VBP1: variants seen among roughly 807,000 people sequenced by gnomAD.
The protein encoded by VBP1 is prefoldin subunit 3.
In VBP1, 4 loss-of-function variants were observed where a neutral mutation model predicts 15.5. The observed-to-expected ratio is 0.26, with a 90% confidence interval of 0.13 to 0.59. The LOEUF (loss-of-function observed/expected upper bound fraction) is 0.59, where lower values mean the gene tolerates loss of function less well. VBP1 is among the 20% of genes least tolerant of loss of function. VBP1 has a pLI of 0.90. For missense variants in VBP1, 108 were observed against 139.6 expected, an observed-to-expected ratio of 0.77 and a Z score of 1.14; for synonymous variants, 61 against 52.1, an observed-to-expected ratio of 1.17 and a Z score of -0.74.
At chrX:155,205,483 C>G (rs1223576953) in intron 1 of VBP1, among the ~76,000 whole-genome samples, 1 of 111,553 alleles carries the variant, frequency 9.0e-6, no homozygotes, top group Non-Finnish European at 1.9e-5. Context: ...ACTCCACATA[C>G]AATTCATGAG....
intron 4 of VBP1, among the ~76,000 whole-genome samples, chrX:155,231,002 G>T (rs1035294908): frequency 1.8e-5 from 2 of 111,978 alleles, no homozygotes; most frequent in African/African-American, 3.2e-5. Flanking sequence ...TTACTTCCTC[G>T]CTTGGCCACA....
upstream of VBP1, among the ~76,000 whole-genome samples, chrX:155,216,073 C>T (rs2074661374): frequency 9.1e-6 from 1 of 110,160 alleles, no homozygotes; most frequent in African/African-American, 3.3e-5. Flanking sequence ...CGCTAGGTCC[C>T]AGGTTCGCTA....
intron 1 of VBP1, among the ~76,000 whole-genome samples, chrX:155,218,220 C>T (rs1025241684): frequency 9.0e-6 from 1 of 111,507 alleles, no homozygotes; most frequent in African/African-American, 3.3e-5. Context: ...GTTTATGTTT[C>T]CAAACTATTA....
At chrX:155,221,160 G>A (rs1381883630) in intron 2 of VBP1, among the ~76,000 whole-genome samples, 1 of 111,069 alleles carries the variant, frequency 9.0e-6, no homozygotes, top group Non-Finnish European at 1.9e-5. Flanking sequence ...GTGAAACCCC[G>A]TCTCTACTAA....
At chrX:155,203,275 A>T (rs2074613042) in intron 1 of VBP1, among the ~76,000 whole-genome samples, 1 of 111,366 alleles carries the variant, frequency 9.0e-6, no homozygotes, top group African/African-American at 3.3e-5. Flanking sequence ...TACCCAAAGG[A>T]CTATAAGTCA....
rs189230781 is a variant in VBP1 at position 155,227,673 on chromosome X, A to G, written c.285+372A>G. Among the ~76,000 whole-genome samples, 5 of 112,440 alleles carry G rather than the reference A, an allele frequency of 4.4e-5. No homozygotes were observed. The East Asian group carries it at 1.4e-3, about 31-fold the overall frequency. On this transcript the variant is annotated intron_variant, in intron 3 of 5. Transcript: ENST00000286428. The stretch of plus-strand genomic sequence containing the variant: ...AGAATAAGGAGTTAGTCCAAGATTT[A>G]TAGAGCTGGAACGAATCTTAGAGAT...
chrX:155,214,768 C>CTT (rs782556765), upstream of VBP1, among the ~76,000 whole-genome samples: 9 of 83,073 alleles, frequency 1.1e-4, no homozygotes, highest in South Asian at 5.6e-4. Flanking sequence ...TTTTCTTTTC[C>CTT]TTTTTTTTTT....
intron 1 of VBP1, among the ~76,000 whole-genome samples, chrX:155,207,988 G>A (rs1359612620): frequency 8.9e-6 from 1 of 111,903 alleles, no homozygotes; most frequent in Admixed American, 9.5e-5. Context: ...CTTTGGTTAT[G>A]AGTCATTTGA....
chrX:155,198,024 G>C (rs1342136460), intron 1 of VBP1, among the ~76,000 whole-genome samples: 4 of 112,445 alleles, frequency 3.6e-5, no homozygotes, highest in Non-Finnish European at 7.6e-5. Context: ...AGCAGTCTGA[G>C]ATCAAACTGC....
intron 1 of VBP1, among the ~76,000 whole-genome samples, chrX:155,199,678 G>A (rs1557307137): frequency 9.0e-6 from 1 of 111,523 alleles, no homozygotes; most frequent in Non-Finnish European, 1.9e-5. Context: ...AGACCATTGA[G>A]GCTAGGAAGT....
chrX:155,234,045 G>A (rs1304014075), intron 4 of VBP1, among the ~76,000 whole-genome samples: 1 of 105,792 alleles, frequency 9.5e-6, no homozygotes, highest in African/African-American at 3.5e-5. Flanking sequence ...GTACCTCATG[G>A]TTTCATACTG....
intron 1 of VBP1, among the ~76,000 whole-genome samples, chrX:155,200,467 G>A (rs782431637): frequency 2.7e-5 from 3 of 110,978 alleles, no homozygotes; most frequent in Middle Eastern, 4.6e-3. Flanking sequence ...ACTCAAAACC[G>A]CTCGACTACA....
chrX:155,214,968 C>G (rs782250166), upstream of VBP1, among the ~76,000 whole-genome samples: 1 of 110,412 alleles, frequency 9.1e-6, no homozygotes, highest in African/African-American at 3.3e-5. Context: ...GGGAGTAAAA[C>G]ATGAGCGATA....
chrX:155,224,180 C>T lies in VBP1; in HGVS notation c.219-3055C>T, dbSNP rs1390755531. Among the ~76,000 whole-genome samples, 5 of 112,603 alleles carry T rather than the reference C, an allele frequency of 4.4e-5. No individual in the cohort carries two copies. The East Asian group carries it at 1.4e-3, about 32-fold the overall frequency. On this transcript the variant is annotated intron_variant, in intron 2 of 5. Coordinates refer to ENST00000286428, the MANE Select transcript of VBP1 (RefSeq NM_003372.7). ...CGATGGGCGGCCAGGCAGAGACGCT[C>T]CTCACTTCCCAGATGGGGTGGCGGC... is the stretch of plus-strand genomic sequence containing the variant.
chrX:155,205,861 G>A (rs112428169), intron 1 of VBP1, among the ~76,000 whole-genome samples: 2 of 111,547 alleles, frequency 1.8e-5, no homozygotes, highest in African/African-American at 6.5e-5. Context: ...TTGTCTCCCC[G>A]GTTCACTTTT....
At chrX:155,225,951 A>G (rs971941775) in intron 2 of VBP1, among the ~76,000 whole-genome samples, 41 of 112,216 alleles carry the variant, frequency 3.7e-4, no homozygotes, top group African/African-American at 1.3e-3. Flanking sequence ...CCAGGTCAGT[A>G]GCACAGGGTG....
intron 5 of VBP1, among the ~76,000 whole-genome samples, 188 bp from the exon 6 acceptor site, chrX:155,238,584 A>G (rs1331481138): frequency 8.9e-6 from 1 of 112,219 alleles, no homozygotes; most frequent in Non-Finnish European, 1.9e-5. Flanking sequence ...GTTTTGATAG[A>G]GTTTAATTAT....
chrX:155,237,842 G>A (rs782047671), intron 5 of VBP1, among the ~76,000 whole-genome samples: 42 of 111,810 alleles, frequency 3.8e-4, no homozygotes, highest in African/African-American at 8.4e-4. Flanking sequence ...TTGCCAAACC[G>A]TGAGCTCTTC....
At chrX:155,207,867 G>T (rs2124047094) in intron 1 of VBP1, among the ~76,000 whole-genome samples, 1 of 111,823 alleles carries the variant, frequency 8.9e-6, no homozygotes, top group Admixed American at 9.5e-5. Flanking sequence ...CAGTGAACAT[G>T]TCCTCTACAA....
Sources: gnomAD v4.1 joint callset for allele counts (sites outside exome capture counted in the v4.1 genomes callset) on GRCh38, gnomAD v4.1.1 for gene constraint, MANE v1.5 for transcripts, NCBI Gene and HGNC (gene_info 2026-07-23, HGNC 2026-07-21) for gene names.